The following RESF1 variants were observed in gnomAD, a reference collection of about 807,000 sequenced individuals.
The protein encoded by RESF1 is gonad expressed transcript.
In RESF1, 65 loss-of-function variants were observed where a neutral mutation model predicts 134.7. The ratio of observed to expected loss-of-function variants is 0.48; its 90% CI spans 0.40 to 0.59. The LOEUF (loss-of-function observed/expected upper bound fraction) is 0.59, where lower values mean the gene tolerates loss of function less well. Among genes scored for constraint, RESF1 ranks in the 20% least tolerant of loss-of-function variants. The pLI is 0.00. For synonymous variants in RESF1, 762 were observed against 702.2 expected, an observed-to-expected ratio of 1.09 and a Z score of -1.35; for missense variants, 2,274 against 2,002.7, an observed-to-expected ratio of 1.14 and a Z score of -2.59.
intron 3 of RESF1, among the ~76,000 whole-genome samples, chr12:31,976,230 ATAGGAAT>A (rs1168434688): frequency 5.3e-5 from 8 of 152,248 alleles, no homozygotes; most frequent in African/African-American, 1.9e-4. Flanking sequence ...ATTGAATAAC[ATAGGAAT>A]TAGGATAACT....
intron 5 of RESF1, among the ~76,000 whole-genome samples, chr12:31,989,784 G>A (rs940084405): frequency 2.0e-5 from 3 of 152,090 alleles, no homozygotes; most frequent in Non-Finnish European, 2.9e-5. Context: ...CCTGTGAGGC[G>A]GAGGTTCCAG....
At chr12:31,970,768 AT>A (rs1939488435) in intron 3 of RESF1, among the ~76,000 whole-genome samples, 1 of 152,212 alleles carries the variant, frequency 6.6e-6, no homozygotes, top group Non-Finnish European at 1.5e-5. Flanking sequence ...GCACTTAGAC[AT>A]TTTAGCCTAT....
chr12:31,986,805 A>G (rs557131030), intron 4 of RESF1, among the ~76,000 whole-genome samples: 42 of 152,372 alleles, frequency 2.8e-4, no homozygotes, highest in African/African-American at 8.2e-4. Flanking sequence ...TCATAAAACA[A>G]TAGCATAAAC....
Position 31,985,582 on chromosome 12 carries a change from A to C in RESF1, c.4627A>C (p.Lys1543Gln). The C allele has an allele frequency of 6.2e-7, 1 of 1,602,404 alleles. No homozygotes were observed. The highest frequency in any genetic ancestry group is 8.5e-7 in the Non-Finnish European group (1 of 1,176,862). ...LRNVKEKVGG[K>Q]QPDKIWIDKT... ...GAATGTTAAAGAAAAAGTTGGTGGG[A>C]AGCAGCCTGATAAAATATGGATTGA... Residue 1543 changes from lysine (K) to glutamine (Q), a missense_variant, in exon 4 of 6, where the codon AAG (lysine) becomes CAG (glutamine). Lys to Gln is a moderately conservative substitution (Grantham distance 53, BLOSUM62 1). Transcript: ENST00000312561.
chr12:31,982,622 C>T lies in RESF1; in HGVS notation c.1667C>T (p.Pro556Leu), dbSNP rs756252838. The change falls in exon 4 of 6, where the codon CCA (proline) becomes CTA (leucine). Residue 556 changes from proline (P) to leucine (L), a missense_variant. Pro to Leu is a moderately conservative substitution (Grantham distance 98, BLOSUM62 -3). Transcript: ENST00000312561. Reference protein sequence around the residue: ...ENVTKVEQNSPAVCETISVPK... With the variant: ...ENVTKVEQNSLAVCETISVPK... ...GTTACCAAAGTTGAGCAAAATTCACCAGCAGTTTGTGAAACAATTTCTGTT... is the reference window on the plus strand; with the variant it reads ...GTTACCAAAGTTGAGCAAAATTCACTAGCAGTTTGTGAAACAATTTCTGTT... 6.2e-6 allele frequency: 10 copies of T among 1,613,862 alleles called. No homozygotes were observed. Among genetic ancestry groups the T allele is most frequent in the African/African-American group, 2.7e-5 (2 of 74,930 alleles).
rs541410860 is a variant in RESF1, at chr12:31,992,706, G to A, written c.*171G>A. On this transcript the variant is annotated 3_prime_UTR_variant, in exon 6 of 6. Transcript: ENST00000312561. ...AATTAAAATGGCTTGAGAACTTTGG[G>A]TAGCCATGTGTAAGAAATGGATGGT... The A allele has an allele frequency of 3.1e-6, 2 of 652,754 alleles. No individual in the cohort carries two copies. The highest frequency in any genetic ancestry group is 5.3e-6 in the Non-Finnish European group (2 of 374,756). The allele number at this position is 652,754 out of a possible 1,614,324, so 40.4% of individuals were successfully genotyped here.
In RESF1 at chr12:31,982,024, T is replaced by C. The variant is rs1478472706; in HGVS notation, c.1069T>C (p.Ser357Pro). ...KQPFNSPIRS[S>P]VDGVQTLAQT... is the part of the protein sequence containing the mutation. ...GCCTTTTAACAGTCCCATTAGATCT[T>C]CTGTGGATGGTGTTCAGACTCTTGC... The change falls in exon 4 of 6, where the codon TCT becomes CCT. Residue 357 changes from serine to proline, a missense_variant. By Grantham distance (74) the Ser-to-Pro change is moderately conservative. Transcript: ENST00000312561. The C allele has an allele frequency of 6.2e-7, 1 of 1,613,988 alleles. No homozygotes were observed. The highest frequency in any genetic ancestry group is 8.5e-7 in the Non-Finnish European group (1 of 1,180,006).
chr12:31,988,646 G>A (rs1031148212), intron 5 of RESF1, among the ~76,000 whole-genome samples: 26 of 151,914 alleles, frequency 1.7e-4, no homozygotes, highest in Non-Finnish European at 2.9e-5. Flanking sequence ...TATTTGCTGG[G>A]AAGGGATTTG....
intron 3 of RESF1, among the ~76,000 whole-genome samples, chr12:31,973,991 A>G (rs930250419): frequency 2.6e-5 from 4 of 152,034 alleles, no homozygotes; most frequent in African/African-American, 9.7e-5. Flanking sequence ...CTTTTGACCA[A>G]CCTGTTACAA....
intron 2 of RESF1, among the ~76,000 whole-genome samples, chr12:31,965,690 C>T (rs374192401): frequency 2.0e-5 from 3 of 152,100 alleles, no homozygotes; most frequent in African/African-American, 4.8e-5. Flanking sequence ...GATGAAGAAG[C>T]GATACTTCTG....
Position 31,983,879 on chromosome 12 carries a change from C to T in RESF1, c.2924C>T (p.Ser975Leu), listed in dbSNP as rs759718097. 6.2e-7 allele frequency: 1 copy of T among 1,613,724 alleles called. No individual in the cohort carries two copies. The highest frequency in any genetic ancestry group is 1.7e-5 in the Admixed American group (1 of 60,024). ...CATAAAATATGTGATCAGTCAAAGT[C>T]AGAGCCACCCTTAGAGTCATCTTTT... ...VSHKICDQSK[S>L]EPPLESSFNN... Residue 975 changes from serine (S) to leucine (L), a missense_variant, in exon 4 of 6, where the codon TCA (serine) becomes TTA (leucine). Coordinates refer to ENST00000312561, the MANE Select transcript of RESF1 (RefSeq NM_018169.4).
chr12:31,985,409 C>T lies in RESF1; in HGVS notation c.4454C>T (p.Ala1485Val). The change falls in exon 4 of 6, where the codon GCC (alanine) becomes GTC (valine). Residue 1485 changes from alanine (A) to valine (V), a missense_variant. Transcript: ENST00000312561. ...GAACATATGAGACCAAGTAAACTTG[C>T]CGTGCAGGTTGAAAGTTGTGGGAAA... is the stretch of plus-strand genomic sequence containing the variant. ...DSEHMRPSKLAVQVESCGKSN... is the reference protein window; with the variant it reads ...DSEHMRPSKLVVQVESCGKSN... 2 of 1,604,942 alleles carry T rather than the reference C, an allele frequency of 1.2e-6. No individual in the cohort carries two copies. The highest frequency in any genetic ancestry group is 1.1e-5 in the South Asian group (1 of 89,036).
At position 31,985,907 on chromosome 12, in the gene RESF1, A is replaced by C; in HGVS notation, c.4952A>C (p.Glu1651Ala). Residue 1651 changes from glutamate (E) to alanine (A), a missense_variant, in exon 4 of 6, where the codon GAA becomes GCA. By Grantham distance (107) the Glu-to-Ala change is moderately radical. Coordinates refer to ENST00000312561, the MANE Select transcript of RESF1 (RefSeq NM_018169.4). ...ILLKNTNSVE[E>A]RKDVKPHPRK... is the part of the protein sequence containing the mutation. ...CTAAAGAATACAAACTCTGTGGAAG[A>C]ACGGAAGGATGTAAAGCCTCATCCT... 1 of 1,516,310 alleles carries C rather than the reference A, an allele frequency of 6.6e-7. No individual in the cohort carries two copies. The highest frequency in any genetic ancestry group is 1.4e-5 in the African/African-American group (1 of 71,238). 93.9% of individuals were successfully genotyped at this position (1,516,310 alleles called of 1,614,324 possible). A position where few individuals can be genotyped will look rare whatever the true frequency, so the allele number is the denominator to read the frequency against.
chr12:31,965,914 A>T lies in RESF1; in HGVS notation c.-246-4275A>T, dbSNP rs1372262214. Reference sequence around the variant, plus strand: ...CAAAAAAAAAAAAAAAAAAGAAGTGATACTTCGAATACAGTTTTTACCTCA... The same window carrying T: ...CAAAAAAAAAAAAAAAAAAGAAGTGTTACTTCGAATACAGTTTTTACCTCA... On this transcript the variant is annotated intron_variant, in intron 2 of 5. Coordinates refer to ENST00000312561, the MANE Select transcript of RESF1 (RefSeq NM_018169.4). Among the ~76,000 whole-genome samples, 22 of 148,188 alleles carry T rather than the reference A, an allele frequency of 1.5e-4. 1 individual carries two copies. In the Admixed American group the frequency reaches 1.5e-3, roughly 10 times the overall value.
At chr12:31,976,049 T>C (rs991223971) in intron 3 of RESF1, among the ~76,000 whole-genome samples, 2 of 152,208 alleles carry the variant, frequency 1.3e-5, no homozygotes, top group South Asian at 2.1e-4. Context: ...CTATCACCAT[T>C]GTAGGAGAGT....
At chr12:31,976,259 A>G (rs1237620187) in intron 3 of RESF1, among the ~76,000 whole-genome samples, 2 of 152,242 alleles carry the variant, frequency 1.3e-5, no homozygotes, top group Non-Finnish European at 2.9e-5. Flanking sequence ...ACTCTTGTGC[A>G]GTAAAAAAAA....
At chr12:31,977,268 C>T (rs1218112211) in intron 3 of RESF1, among the ~76,000 whole-genome samples, 3 of 152,150 alleles carry the variant, frequency 2.0e-5, no homozygotes, top group Non-Finnish European at 4.4e-5. Flanking sequence ...GCAACCTCCG[C>T]CTCCCTGGTT....
In RESF1 at chr12:31,981,022, T is replaced by G; in HGVS notation, c.67T>G (p.Phe23Val). The change falls in exon 4 of 6, where the codon TTT (phenylalanine) becomes GTT (valine). Residue 23 changes from phenylalanine (F) to valine (V), a missense_variant. Physicochemically the swap from Phe to Val is conservative, Grantham distance 50. Coordinates refer to ENST00000312561, the MANE Select transcript of RESF1 (RefSeq NM_018169.4). The part of the protein sequence containing the change: ...PPLYPKSQPP[F>V]LHQSLINQIT... Reference sequence around the variant, plus strand: ...ACTGTATCCTAAAAGCCAGCCACCTTTTTTGCACCAGTCTTTAATAAACCA... The same window carrying G: ...ACTGTATCCTAAAAGCCAGCCACCTGTTTTGCACCAGTCTTTAATAAACCA... 1.2e-6 allele frequency: 2 copies of G among 1,614,046 alleles called. No individual in the cohort carries two copies. The highest frequency in any genetic ancestry group is 1.7e-6 in the Non-Finnish European group (2 of 1,179,990).
At chr12:31,976,362 C>T (rs1403600524) in intron 3 of RESF1, among the ~76,000 whole-genome samples, 1 of 152,130 alleles carries the variant, frequency 6.6e-6, no homozygotes, top group African/African-American at 2.4e-5. Flanking sequence ...AGTTGATAAA[C>T]ACATATTTTG....
Sources: allele counts gnomAD v4.1 joint callset (sites outside exome capture counted in the v4.1 genomes callset), GRCh38; gene constraint gnomAD v4.1.1; transcripts MANE v1.5; gene names NCBI Gene and HGNC (gene_info 2026-07-23, HGNC 2026-07-21).